The following GALNT13 variants were observed in gnomAD, a reference collection of about 807,000 sequenced individuals.
GALNT13 encodes UDP-GalNAc:polypeptide N-acetylgalactosaminyltransferase 13.
In GALNT13, 28 loss-of-function variants were observed where a neutral mutation model predicts 64.2. That is an observed-to-expected ratio of 0.44 (90% confidence interval 0.32 to 0.60). The LOEUF is 0.60. GALNT13 is among the 20% of genes least tolerant of loss of function. The pLI is 0.05. For synonymous variants in GALNT13, 214 were observed against 224.6 expected, an observed-to-expected ratio of 0.95 and a Z score of 0.42; for missense variants, 577 against 669.8, an observed-to-expected ratio of 0.86 and a Z score of 1.53.
At chr2:153,565,627 T>C in the GALNT13 span, among the ~76,000 whole-genome samples, 1 of 152,194 alleles carries the variant, frequency 6.6e-6, no homozygotes, top group Non-Finnish European at 1.5e-5. Flanking sequence ...GTAAGTGTTA[T>C]AAAGAAATAA....
chr2:153,119,538 A>G, the GALNT13 span, among the ~76,000 whole-genome samples: 4 of 152,232 alleles, frequency 2.6e-5, no homozygotes, highest in African/African-American at 9.6e-5. Flanking sequence ...ATAAAATAAG[A>G]TAAAAATGGC....
At chr2:153,143,230 C>T in the GALNT13 span, among the ~76,000 whole-genome samples, 179 of 151,948 alleles carry the variant, frequency 1.2e-3, no homozygotes, top group African/African-American at 4.3e-3. Flanking sequence ...TAAGGCAGGT[C>T]GAATGTACAT....
chr2:153,456,084 C>T, the GALNT13 span, among the ~76,000 whole-genome samples: 1 of 152,148 alleles, frequency 6.6e-6, no homozygotes, highest in African/African-American at 2.4e-5. Context: ...CATCTACCAG[C>T]TGAGTCTGGA....
chr2:154,189,184 T>C (rs887932172), intron 4 of GALNT13, among the ~76,000 whole-genome samples: 1 of 152,212 alleles, frequency 6.6e-6, no homozygotes. Context: ...CTTATTCATA[T>C]AGTTGTACTC....
intron 8 of GALNT13, among the ~76,000 whole-genome samples, chr2:154,286,269 A>C (rs980774499): frequency 6.6e-6 from 1 of 152,236 alleles, no homozygotes; most frequent in African/African-American, 2.4e-5. Context: ...TTACAGGACA[A>C]GCTTTCAGCA....
At chr2:153,229,372 A>C in the GALNT13 span, among the ~76,000 whole-genome samples, 2 of 152,190 alleles carry the variant, frequency 1.3e-5, no homozygotes, top group Admixed American at 1.3e-4. Flanking sequence ...TATTGCTATC[A>C]TATCAAAGGA....
intron 9 of GALNT13, among the ~76,000 whole-genome samples, chr2:154,357,115 A>C (rs918912974): frequency 6.6e-6 from 1 of 151,968 alleles, no homozygotes; most frequent in Non-Finnish European, 1.5e-5. Flanking sequence ...CCTGCTTGCA[A>C]TATAGTTTTG....
chr2:154,158,423 G>A (rs1319891027), intron 4 of GALNT13, among the ~76,000 whole-genome samples: 2 of 152,140 alleles, frequency 1.3e-5, no homozygotes, highest in Middle Eastern at 3.4e-3. Flanking sequence ...AGTCTAAGCT[G>A]CTTATATTTT....
At chr2:153,121,706 G>A in the GALNT13 span, among the ~76,000 whole-genome samples, 1 of 151,988 alleles carries the variant, frequency 6.6e-6, no homozygotes, top group Non-Finnish European at 1.5e-5. Flanking sequence ...TTTGTATTTT[G>A]TATTTTTAGT....
chr2:153,613,619 GAAAATA>G, the GALNT13 span, among the ~76,000 whole-genome samples: 1 of 152,044 alleles, frequency 6.6e-6, no homozygotes, highest in Non-Finnish European at 1.5e-5. Context: ...CAATATTTTA[GAAAATA>G]AAATGAAGAA....
the GALNT13 span, among the ~76,000 whole-genome samples, chr2:153,128,128 C>G: frequency 6.6e-6 from 1 of 152,190 alleles, no homozygotes; most frequent in Admixed American, 6.5e-5. Flanking sequence ...ATTTCAGCAC[C>G]TGTTCTTTGT....
At chr2:153,482,757 A>G in the GALNT13 span, among the ~76,000 whole-genome samples, 2 of 148,586 alleles carry the variant, frequency 1.3e-5, no homozygotes, top group Non-Finnish European at 3.0e-5. Context: ...AGGCGTAGCC[A>G]ACGCACCCAG....
At chr2:153,813,038 C>T in the GALNT13 span, among the ~76,000 whole-genome samples, 48 of 152,108 alleles carry the variant, frequency 3.2e-4, no homozygotes, top group East Asian at 7.7e-4. Flanking sequence ...TTTATCTATA[C>T]GCTTCATTTC....
At chr2:153,301,309 CAAA>C in the GALNT13 span, among the ~76,000 whole-genome samples, 19,539 of 76,580 alleles carry the variant, frequency 0.26, 2,241 homozygotes, top group Non-Finnish European at 0.3. Flanking sequence ...GACTCCTTCT[CAAA>C]AAAAAAGAAA....
At chr2:153,894,663 A>G (rs1365261759) in intron 1 of GALNT13, among the ~76,000 whole-genome samples, 1 of 152,134 alleles carries the variant, frequency 6.6e-6, no homozygotes, top group South Asian at 2.1e-4. Context: ...ATTTATGAAA[A>G]TAATAAGACA....
chr2:153,529,487 A>G, the GALNT13 span, among the ~76,000 whole-genome samples: 2 of 152,072 alleles, frequency 1.3e-5, no homozygotes, highest in Admixed American at 6.6e-5. Flanking sequence ...AAACACTTAA[A>G]GAGTAACTAA....
At chr2:153,966,360 G>A (rs561890285) in intron 3 of GALNT13, among the ~76,000 whole-genome samples, 1 of 146,982 alleles carries the variant, frequency 6.8e-6, no homozygotes, top group African/African-American at 2.5e-5. Context: ...TTTTGTTGCT[G>A]TTGTTGGGAT....
the GALNT13 span, among the ~76,000 whole-genome samples, chr2:153,520,075 TATG>T: frequency 6.6e-6 from 1 of 152,170 alleles, no homozygotes; most frequent in Admixed American, 6.6e-5. Context: ...CTATTAAACA[TATG>T]ATGATGTTAA....
At chr2:153,631,789 T>C in the GALNT13 span, among the ~76,000 whole-genome samples, 1 of 152,234 alleles carries the variant, frequency 6.6e-6, no homozygotes, top group East Asian at 1.9e-4. Flanking sequence ...TTTCTTTTGC[T>C]GTGCAGAAGC....
Sources: allele counts gnomAD v4.1 joint callset (sites outside exome capture counted in the v4.1 genomes callset), GRCh38; gene constraint gnomAD v4.1.1; transcripts MANE v1.5; gene names NCBI Gene and HGNC (gene_info 2026-07-23, HGNC 2026-07-21).